Variants in BDNF observed in about 807,000 individuals in gnomAD.
The protein encoded by BDNF is neurotrophic factor BDNF precursor form.
A neutral mutation model predicts 19.5 loss-of-function variants in BDNF; 1 was observed. The observed-to-expected ratio is 0.05, with a 90% confidence interval of 0.02 to 0.24. The LOEUF (loss-of-function observed/expected upper bound fraction) is 0.24. BDNF is among the 10% of genes least tolerant of loss of function. BDNF has a pLI of 1.00. For synonymous variants in BDNF, 100 were observed against 121.6 expected (o/e 0.82, Z 1.17); for missense variants, 195 against 317.6 (o/e 0.61, Z 2.93).
intron 1 of BDNF, among the ~76,000 whole-genome samples, chr11:27,708,145 A>G (rs771832807): frequency 1.9e-4 from 29 of 152,166 alleles, no homozygotes; most frequent in Non-Finnish European, 1.8e-4. Flanking sequence ...ATGACCATCC[A>G]CTGGCCTTTT....
chr11:27,677,057 G>A (rs1027400236), intron 1 of BDNF: 7 of 152,224 alleles, frequency 4.6e-5, no homozygotes, highest in Non-Finnish European at 7.3e-5. Flanking sequence ...GCCATGGTGA[G>A]GCAGCGTTTC....
chr11:27,718,308 C>G (rs1227855246), intron 1 of BDNF, among the ~76,000 whole-genome samples: 3 of 151,514 alleles, frequency 2.0e-5, no homozygotes, highest in Admixed American at 6.6e-5. Context: ...AAAAAGCAAG[C>G]GTTGCACCTT....
At chr11:27,678,007 A>G (rs1397138086) in intron 1 of BDNF, among the ~76,000 whole-genome samples, 1 of 152,180 alleles carries the variant, frequency 6.6e-6, no homozygotes, top group Admixed American at 6.5e-5. Context: ...GGTATAGAGA[A>G]TAGTCCCTGG....
chr11:27,717,619 G>A (rs562704750), intron 1 of BDNF, among the ~76,000 whole-genome samples: 2 of 152,290 alleles, frequency 1.3e-5, no homozygotes, highest in South Asian at 4.1e-4. Flanking sequence ...AAGTAGGCTA[G>A]GTTACTGTTA....
chr11:27,694,335 C>A (rs934611240), intron 1 of BDNF, among the ~76,000 whole-genome samples: 2 of 152,102 alleles, frequency 1.3e-5, no homozygotes, highest in African/African-American at 4.8e-5. Context: ...TATTATTAAA[C>A]CTTTTCCTCC....
At chr11:27,719,591 C>G (rs1860667859) in intron 1 of BDNF, 2 of 984,734 alleles carry the variant, frequency 2.0e-6, no homozygotes, top group African/African-American at 1.8e-5. Context: ...AAAGCGGGAA[C>G]CCTCTAAGCC....
At chr11:27,693,972 AT>A (rs554236116) in intron 1 of BDNF, among the ~76,000 whole-genome samples, 73 of 150,382 alleles carry the variant, frequency 4.9e-4, no homozygotes, top group East Asian at 1.6e-3. Flanking sequence ...TATTTTAGTA[AT>A]TTTTTTTTTC....
At chr11:27,682,408 T>TATTATA (rs984591653) in intron 1 of BDNF, among the ~76,000 whole-genome samples, 2 of 150,564 alleles carry the variant, frequency 1.3e-5, no homozygotes, top group African/African-American at 2.4e-5. Context: ...TTATTATTAT[T>TATTATA]ATAATAATAA....
chr11:27,714,667 C>G (rs1046280268), intron 1 of BDNF, among the ~76,000 whole-genome samples: 1 of 151,970 alleles, frequency 6.6e-6, no homozygotes, highest in African/African-American at 2.4e-5. Flanking sequence ...TTGCGGTACC[C>G]ACCCAGAATT....
At chr11:27,712,498 C>T (rs1590494260) in intron 1 of BDNF, among the ~76,000 whole-genome samples, 1 of 150,394 alleles carries the variant, frequency 6.6e-6, no homozygotes, top group African/African-American at 2.4e-5. Flanking sequence ...TAATCTTATA[C>T]ATTTATTTCA....
chr11:27,662,992 C>T (rs1853707423), intron 1 of BDNF, among the ~76,000 whole-genome samples: 1 of 152,214 alleles, frequency 6.6e-6, no homozygotes, highest in Admixed American at 6.5e-5. Flanking sequence ...CTACAATTTC[C>T]TGTGTAGCTC....
In BDNF at chr11:27,657,465, T is replaced by G. The variant is rs56820186; in HGVS notation, c.*356A>C. On this transcript the variant is annotated 3_prime_UTR_variant, in exon 2 of 2. Transcript: ENST00000356660. The surrounding 1 kb of genome is among the most constrained non-coding windows in gnomAD (Gnocchi z 5.0). ...AAATTTTTGTTGTGTGTGTGTGTGTTTTTTTTCTGTTTTCTGAAAGAGGAC... is the reference window on the plus strand; with the variant it reads ...AAATTTTTGTTGTGTGTGTGTGTGTGTTTTTTCTGTTTTCTGAAAGAGGAC... 0.015 allele frequency: 13,867 copies of G among 936,852 alleles called. 274 individuals are homozygous for G. Among genetic ancestry groups the G allele is most frequent in the African/African-American group, 0.14 (4,915 of 36,404 alleles). The allele number at this position is 936,852 out of a possible 1,614,324, so 58.0% of individuals were successfully genotyped here.
intron 1 of BDNF, chr11:27,674,580 A>G (rs909849972): frequency 1.0e-6 from 1 of 985,106 alleles, no homozygotes; most frequent in African/African-American, 1.7e-5. Flanking sequence ...AAATATTAAC[A>G]TCTTAGATGA....
chr11:27,716,434 C>T (rs1446992145), intron 1 of BDNF, among the ~76,000 whole-genome samples: 7 of 135,542 alleles, frequency 5.2e-5, no homozygotes, highest in South Asian at 5.2e-4. Context: ...GAGACACACA[C>T]GCCCATACAC....
chr11:27,670,828 A>C lies in BDNF; in HGVS notation c.-21-12243T>G, dbSNP rs183864638. Among the ~76,000 whole-genome samples the C allele has an allele frequency of 3.3e-5, 5 of 152,276 alleles. No homozygotes were observed. In the East Asian group the frequency reaches 7.7e-4, roughly 24 times the overall value. On this transcript the variant is annotated intron_variant, in intron 1 of 1. Transcript: ENST00000356660. ...TTGATGGGACTGTAAACTAGTTCAAACATTGTGGAAGACAGTGTGGCGATT... is the reference window on the plus strand; with the variant it reads ...TTGATGGGACTGTAAACTAGTTCAACCATTGTGGAAGACAGTGTGGCGATT...
intron 1 of BDNF, chr11:27,719,642 A>G: frequency 1.0e-6 from 1 of 984,924 alleles, no homozygotes. Context: ...GAAGGGAAAA[A>G]AAAAAGAAAA....
intron 1 of BDNF, chr11:27,699,776 C>CA (rs1217359181): frequency 8.7e-7 from 1 of 1,143,024 alleles, no homozygotes; most frequent in Non-Finnish European, 1.1e-6. Context: ...AGCCTAGCCC[C>CA]AGCACCCTCC....
Position 27,659,728 on chromosome 11 carries a change from C to T in BDNF, c.-21-1143G>A, listed in dbSNP as rs1434214781. 3.2e-6 allele frequency: 3 copies of T among 947,780 alleles called. No individual in the cohort carries two copies. The African/African-American group carries it at 5.3e-5, about 17-fold the overall frequency. The allele number at this position is 947,780 out of a possible 1,614,324, so 58.7% of individuals were successfully genotyped here. On this transcript the variant is annotated intron_variant, in intron 1 of 1. Coordinates refer to ENST00000356660, the MANE Select transcript of BDNF (RefSeq NM_001709.5). ...GGTGTTTTACACATTTTGGAATAGG[C>T]AGCTAGTGCTTCTTTTTCTGCTTTT...
intron 1 of BDNF, among the ~76,000 whole-genome samples, chr11:27,679,884 T>C (rs1856629457): frequency 6.6e-6 from 1 of 152,164 alleles, no homozygotes; most frequent in African/African-American, 2.4e-5. Flanking sequence ...TGAAAAGAAC[T>C]CAGCTGTAGA....
Sources: gnomAD v4.1 joint callset for allele counts (sites outside exome capture counted in the v4.1 genomes callset) on GRCh38, gnomAD v4.1.1 for gene constraint, Gnocchi (gnomAD v3.1) non-coding constraint, MANE v1.5 for transcripts, NCBI Gene and HGNC (gene_info 2026-07-23, HGNC 2026-07-21) for gene names.